The following EPN2 variants were observed in gnomAD, a reference collection of about 807,000 sequenced individuals.
EPN2 encodes the protein epsin 2.
EPN2 carries 34 observed loss-of-function variants against 61.7 expected under a neutral mutation model. The ratio of observed to expected loss-of-function variants is 0.55; its 90% CI spans 0.42 to 0.73. The LOEUF (loss-of-function observed/expected upper bound fraction) is 0.73, where lower values mean the gene tolerates loss of function less well. Ranked by LOEUF, EPN2 falls within the 30% of genes least tolerant of loss-of-function variation. EPN2 has a pLI of 0.00. For missense variants in EPN2, 714 were observed against 839.2 expected, an observed-to-expected ratio of 0.85 and a Z score of 1.84; for synonymous variants, 349 against 353.6, an observed-to-expected ratio of 0.99 and a Z score of 0.15.
chr17:19,265,376 A>AG (rs1322755570), intron 1 of EPN2, among the ~76,000 whole-genome samples: 9 of 111,488 alleles, frequency 8.1e-5, no homozygotes, highest in South Asian at 8.1e-4. Flanking sequence ...ACCCTTTCTC[A>AG]GGAAAAAAAA....
rs763665834 is a variant in EPN2 at position 19,328,732 on chromosome 17, T to C, written c.1169T>C (p.Ile390Thr). 33 of 1,610,832 alleles carry C rather than the reference T, an allele frequency of 2.0e-5. No homozygotes were observed. The highest frequency in any genetic ancestry group is 1.0e-4 in the Admixed American group (6 of 59,640). The change falls in exon 8 of 11, where the codon ATT becomes ACT. Residue 390 changes from isoleucine (I) to threonine (T), a missense_variant. Coordinates refer to ENST00000314728, the MANE Select transcript of EPN2 (RefSeq NM_014964.5). ...PSFGTKPAAS[I>T]DPWGVPTGAT... ...ACAGGTACCAAGCCAGCTGCCTCCA[T>C]TGACCCATGGGGGGTGCCCACTGGA...
At chr17:19,329,696 G>A (rs1235530281) in intron 9 of EPN2, 49 bp downstream of exon 9, 2 of 1,096,992 alleles carry the variant, frequency 1.8e-6, no homozygotes, top group Non-Finnish European at 2.8e-6. Flanking sequence ...CATTTGACCA[G>A]CTGAGTTATT....
At chr17:19,276,360 A>ATTTTTTTTTTTTTTTT (rs140536354) in intron 1 of EPN2, 1 of 79,968 alleles carries the variant, frequency 1.3e-5, no homozygotes, top group African/African-American at 5.2e-5. Flanking sequence ...GCTAATTAAA[A>ATTTTTTTTTTTTTTTT]TTTTTTTTTT....
At chr17:19,328,941 C>A in intron 8 of EPN2, 54 bp downstream of exon 8, 1 of 1,500,832 alleles carries the variant, frequency 6.7e-7, no homozygotes, top group South Asian at 1.2e-5. Context: ...CCCACGGGCC[C>A]TGCAGCCGCT....
intron 4 of EPN2, among the ~76,000 whole-genome samples, chr17:19,306,748 C>T (rs551699000): frequency 6.6e-6 from 1 of 152,332 alleles, no homozygotes; most frequent in African/African-American, 2.4e-5. Context: ...TCAGTACCAG[C>T]TTCCCTGCCA....
chr17:19,261,924 A>C (rs1266943482), intron 1 of EPN2, among the ~76,000 whole-genome samples: 1 of 152,186 alleles, frequency 6.6e-6, no homozygotes, highest in Non-Finnish European at 1.5e-5. Context: ...GTGGTGGCTC[A>C]CACCTGTAAT....
At chr17:19,292,659 C>A (rs920489634) in intron 4 of EPN2, among the ~76,000 whole-genome samples, 2 of 152,240 alleles carry the variant, frequency 1.3e-5, no homozygotes, top group African/African-American at 4.8e-5. Context: ...CTCGTTCTTG[C>A]CACAAGGGCT....
rs1250253051 is a variant in EPN2, at chr17:19,283,086, G to A, written c.-34G>A. On this transcript the variant is annotated 5_prime_UTR_variant, in exon 3 of 11. Coordinates refer to ENST00000314728, the MANE Select transcript of EPN2 (RefSeq NM_014964.5). This position sits in a 1 kb window ranked among gnomAD's most constrained non-coding sequence, Gnocchi z 7.0. Reference sequence around the variant, plus strand: ...CAAGGACAGGAAGGTTTCTCTGTTTGAAGGGCTTTAAACTTATAACAAAGA... The same window carrying A: ...CAAGGACAGGAAGGTTTCTCTGTTTAAAGGGCTTTAAACTTATAACAAAGA... 1 of 1,528,040 alleles carries A rather than the reference G, an allele frequency of 6.5e-7. No homozygotes were observed. The highest frequency in any genetic ancestry group is 1.4e-5 in the African/African-American group (1 of 72,556). The allele number at this position is 1,528,040 out of a possible 1,614,324, so 94.7% of individuals were successfully genotyped here. A position where few individuals can be genotyped will look rare whatever the true frequency, so the allele number is the denominator to read the frequency against.
intron 5 of EPN2, among the ~76,000 whole-genome samples, chr17:19,311,038 G>A (rs564344659): frequency 6.6e-6 from 1 of 152,274 alleles, no homozygotes; most frequent in African/African-American, 2.4e-5. Context: ...GGCAGCACAG[G>A]GATTCCTCTC....
chr17:19,261,504 A>G (rs1333289189), intron 1 of EPN2, among the ~76,000 whole-genome samples: 1 of 152,126 alleles, frequency 6.6e-6, no homozygotes, highest in Non-Finnish European at 1.5e-5. Flanking sequence ...AATTTTTTTC[A>G]GGCTAGGAAT....
At chr17:19,240,680 C>T (rs1051591633) in intron 1 of EPN2, among the ~76,000 whole-genome samples, 10 of 152,192 alleles carry the variant, frequency 6.6e-5, no homozygotes, top group African/African-American at 1.7e-4. Flanking sequence ...CCGTCTAGCT[C>T]GTCCGATGTT....
intron 9 of EPN2, among the ~76,000 whole-genome samples, chr17:19,331,628 T>G (rs1366377515): frequency 6.6e-6 from 1 of 152,266 alleles, no homozygotes. Flanking sequence ...TTTAGTATTT[T>G]GATAAAGCTT....
At chr17:19,303,420 C>T (rs751026612) in intron 4 of EPN2, among the ~76,000 whole-genome samples, 6 of 152,238 alleles carry the variant, frequency 3.9e-5, no homozygotes, top group Non-Finnish European at 8.8e-5. Context: ...CATGGCAGCA[C>T]GTTCTCCATT....
At chr17:19,269,460 AT>A (rs757021799) in intron 1 of EPN2, among the ~76,000 whole-genome samples, 5 of 152,236 alleles carry the variant, frequency 3.3e-5, no homozygotes, top group Non-Finnish European at 4.4e-5. Context: ...GGTGTGACTG[AT>A]TTAGTAGAAG....
intron 4 of EPN2, among the ~76,000 whole-genome samples, chr17:19,304,774 G>A (rs1598010410): frequency 1.3e-5 from 2 of 152,328 alleles, no homozygotes; most frequent in African/African-American, 4.8e-5. Flanking sequence ...CTTGTCAGCG[G>A]TGGGGACAAG....
At chr17:19,296,298 G>A (rs952504953) in intron 4 of EPN2, among the ~76,000 whole-genome samples, 1 of 151,884 alleles carries the variant, frequency 6.6e-6, no homozygotes, top group African/African-American at 2.4e-5. Flanking sequence ...CTACAGGTGC[G>A]TGCCACCACG....
chr17:19,262,764 C>G lies in EPN2; in HGVS notation c.-293-19191C>G, dbSNP rs141600857. ...TTTCCCCTCCCATTCTCTCCAGCCC[C>G]TGGCAACTATCAGTCTGCTTTCTGT... On this transcript the variant is annotated intron_variant, in intron 1 of 10. Transcript: ENST00000314728. Among the ~76,000 whole-genome samples, 382 of 151,670 alleles carry G rather than the reference C, an allele frequency of 2.5e-3. 3 individuals are homozygous for G. The highest frequency in any genetic ancestry group is 9.0e-3 in the African/African-American group (375 of 41,532).
At chr17:19,281,381 C>T (rs552761880) in intron 1 of EPN2, among the ~76,000 whole-genome samples, 32 of 152,300 alleles carry the variant, frequency 2.1e-4, no homozygotes, top group African/African-American at 7.2e-4. Flanking sequence ...GCCAAGTGCC[C>T]GGGATGAAGA....
At chr17:19,276,762 TATGAGA>T (rs1020189205) in intron 1 of EPN2, among the ~76,000 whole-genome samples, 3 of 145,952 alleles carry the variant, frequency 2.1e-5, no homozygotes, top group Admixed American at 7.2e-5. Context: ...GTATGTAATT[TATGAGA>T]ATAAGTTTTT....
Sources: gnomAD v4.1 joint callset for allele counts (sites outside exome capture counted in the v4.1 genomes callset) on GRCh38, gnomAD v4.1.1 for gene constraint, Gnocchi (gnomAD v3.1) non-coding constraint, MANE v1.5 for transcripts, NCBI Gene and HGNC (gene_info 2026-07-23, HGNC 2026-07-21) for gene names.